CSMD1: variants seen among roughly 807,000 people sequenced by gnomAD.
The protein encoded by CSMD1 is CUB and Sushi multiple domains 1, also known as CUB and sushi domain-containing protein 1.
A neutral mutation model predicts 417.5 loss-of-function variants in CSMD1; 213 were observed. The observed-to-expected ratio is 0.51, with a 90% CI of 0.46 to 0.57. The LOEUF (loss-of-function observed/expected upper bound fraction) is 0.57. Ranked by LOEUF, CSMD1 falls within the 20% of genes least tolerant of loss-of-function variation. The pLI, the probability that CSMD1 is intolerant of heterozygous loss-of-function variation, is 0.00. For missense variants in CSMD1, 6,923 were observed against 4,529.7 expected, an observed-to-expected ratio of 1.53 and a Z score of -15.17; for synonymous variants, 2,862 against 1,736.8, an observed-to-expected ratio of 1.65 and a Z score of -16.11.
At chr8:3,672,594 A>G (rs974234822) in intron 7 of CSMD1, among the ~76,000 whole-genome samples, 2 of 152,220 alleles carry the variant, frequency 1.3e-5, no homozygotes, top group African/African-American at 4.8e-5. Context: ...ATGTGTTTAC[A>G]TTTGGCCATT....
chr8:4,177,229 T>A (rs1293565448), intron 3 of CSMD1, among the ~76,000 whole-genome samples: 2 of 152,012 alleles, frequency 1.3e-5, no homozygotes, highest in Non-Finnish European at 2.9e-5. Context: ...TAACAAACTG[T>A]CTCTCACACC....
Position 3,151,469 on chromosome 8 carries a change from T to A in CSMD1, c.5959A>T (p.Ser1987Cys), listed in dbSNP as rs757277765. The A allele has an allele frequency of 6.2e-7, 1 of 1,613,788 alleles. No individual in the cohort carries two copies. Residue 1987 changes from serine (S) to cysteine (C), a missense_variant, in exon 40 of 70, where the codon AGC (serine) becomes TGC (cysteine). Ser to Cys is a moderately radical substitution (Grantham distance 112). Coordinates refer to ENST00000635120, the MANE Select transcript of CSMD1 (RefSeq NM_033225.6). ...TLSTLGGVILSPGFPGSYPNN... is the reference protein window; with the variant it reads ...TLSTLGGVILCPGFPGSYPNN... ...GGGTAAGAACCTGGGAAGCCGGGGC[T>A]CAGGATCACACCACCCAAGGTGCTC...
At chr8:4,513,840 C>T (rs1399317310) in intron 2 of CSMD1, among the ~76,000 whole-genome samples, 5 of 152,166 alleles carry the variant, frequency 3.3e-5, no homozygotes, top group Non-Finnish European at 7.3e-5. Flanking sequence ...ACTGCTCTGA[C>T]AACCATAAAA....
At chr8:3,134,458 C>G (rs1817966146) in intron 41 of CSMD1, among the ~76,000 whole-genome samples, 1 of 152,350 alleles carries the variant, frequency 6.6e-6, no homozygotes, top group East Asian at 1.9e-4. Context: ...GCTATTTTCA[C>G]AGCCGTAAAA....
intron 1 of CSMD1, among the ~76,000 whole-genome samples, chr8:4,848,351 C>G (rs1476916286): frequency 1.3e-5 from 2 of 152,142 alleles, no homozygotes; most frequent in Non-Finnish European, 2.9e-5. Context: ...GATGGGCCAC[C>G]TATACAATGG....
At chr8:3,428,544 C>G (rs566323139) in intron 12 of CSMD1, among the ~76,000 whole-genome samples, 4 of 152,166 alleles carry the variant, frequency 2.6e-5, no homozygotes, top group African/African-American at 7.2e-5. Context: ...CCTTAAAAGA[C>G]TGACCATACC....
intron 8 of CSMD1, among the ~76,000 whole-genome samples, chr8:3,613,755 C>G (rs1802005956): frequency 6.8e-6 from 1 of 148,136 alleles, no homozygotes; most frequent in African/African-American, 2.5e-5. Context: ...AAATTACAAA[C>G]AGAAGGATAC....
chr8:4,404,033 T>TA (rs1804840357), intron 3 of CSMD1, among the ~76,000 whole-genome samples: 1 of 152,196 alleles, frequency 6.6e-6, no homozygotes, highest in Non-Finnish European at 1.5e-5. Flanking sequence ...AAAGTTAAAA[T>TA]ACATCCAGAC....
At chr8:4,206,912 G>A (rs73658478) in intron 3 of CSMD1, among the ~76,000 whole-genome samples, 5 of 152,034 alleles carry the variant, frequency 3.3e-5, no homozygotes, top group African/African-American at 2.4e-5. Context: ...TTATAATTTA[G>A]AGTTGGGCAA....
intron 6 of CSMD1, among the ~76,000 whole-genome samples, chr8:3,751,116 G>GA (rs35383341): frequency 4.6e-5 from 7 of 151,728 alleles, no homozygotes; most frequent in Non-Finnish European, 7.4e-5. Flanking sequence ...ATGTGGTAAT[G>GA]AAAAAAAGGT....
intron 1 of CSMD1, among the ~76,000 whole-genome samples, chr8:4,810,561 G>A (rs767507317): frequency 7.9e-5 from 12 of 152,320 alleles, no homozygotes; most frequent in Admixed American, 3.9e-4. Context: ...GTATGTGTGT[G>A]TATGTGGGGG....
intron 6 of CSMD1, among the ~76,000 whole-genome samples, chr8:3,717,139 C>G (rs935754175): frequency 1.3e-5 from 2 of 152,148 alleles, no homozygotes; most frequent in Non-Finnish European, 2.9e-5. Flanking sequence ...TTTAACCACA[C>G]CTTACACTTA....
At chr8:3,025,993 G>A (rs75516796) in intron 51 of CSMD1, among the ~76,000 whole-genome samples, 7,620 of 152,178 alleles carry the variant, frequency 0.05, 200 homozygotes, top group East Asian at 0.068. Flanking sequence ...TGGTCCCTAC[G>A]TGTCCCACCC....
intron 1 of CSMD1, among the ~76,000 whole-genome samples, chr8:4,639,956 A>G (rs757678711): frequency 6.6e-6 from 1 of 152,210 alleles, no homozygotes; most frequent in South Asian, 2.1e-4. Flanking sequence ...GTTTTTAAAG[A>G]AAATAGCTTG....
chr8:4,260,653 T>C (rs1803814404), intron 3 of CSMD1, among the ~76,000 whole-genome samples: 1 of 152,186 alleles, frequency 6.6e-6, no homozygotes, highest in Non-Finnish European at 1.5e-5. Context: ...GTAATTGATT[T>C]TCATATAATT....
chr8:4,903,698 G>A (rs1225058453), intron 1 of CSMD1, among the ~76,000 whole-genome samples: 1 of 152,104 alleles, frequency 6.6e-6, no homozygotes, highest in African/African-American at 2.4e-5. Context: ...TTGTAATAAG[G>A]TCCCACAACT....
At chr8:4,722,032 T>G (rs539903474) in intron 1 of CSMD1, among the ~76,000 whole-genome samples, 2 of 152,104 alleles carry the variant, frequency 1.3e-5, no homozygotes, top group Middle Eastern at 3.2e-3. Flanking sequence ...AATGAGGAGA[T>G]GTCAGTCCAA....
intron 3 of CSMD1, among the ~76,000 whole-genome samples, chr8:4,058,381 T>G (rs1215274684): frequency 1.3e-5 from 2 of 152,156 alleles, no homozygotes; most frequent in Admixed American, 6.6e-5. Context: ...TGTCCATTGA[T>G]TTTGTATCCT....
At chr8:4,648,947 T>C (rs559820128) in intron 1 of CSMD1, among the ~76,000 whole-genome samples, 1 of 152,356 alleles carries the variant, frequency 6.6e-6, no homozygotes, top group Admixed American at 6.5e-5. Flanking sequence ...CAGCACTTCC[T>C]TAGTACTGAC....
Sources: allele counts gnomAD v4.1 joint callset (sites outside exome capture counted in the v4.1 genomes callset), GRCh38; gene constraint gnomAD v4.1.1; transcripts MANE v1.5; gene names NCBI Gene and HGNC (gene_info 2026-07-23, HGNC 2026-07-21).